The following INSC variants were observed in gnomAD, a reference collection of about 807,000 sequenced individuals.
INSC encodes INSC spindle orientation adaptor protein, also known as protein inscuteable homolog.
INSC carries 67 observed loss-of-function variants against 58.6 expected under a neutral mutation model. The ratio of observed to expected loss-of-function variants is 1.14; its 90% CI spans 0.94 to 1.40. The LOEUF (loss-of-function observed/expected upper bound fraction) is 1.40. Ranked by LOEUF, INSC falls within the 40% of genes most tolerant of loss-of-function variation. The pLI is 0.00. For missense variants in INSC, 714 were observed against 692.0 expected (o/e 1.03, Z -0.36); for synonymous variants, 262 against 276.1 (o/e 0.95, Z 0.51).
At chr11:15,167,842 C>T (rs906404100) in intron 2 of INSC, among the ~76,000 whole-genome samples, 4 of 152,058 alleles carry the variant, frequency 2.6e-5, no homozygotes, top group Non-Finnish European at 5.9e-5. Context: ...CTTGTCTGTC[C>T]TCATTTCTAG....
At chr11:15,116,855 C>CTTTCTTTCTTTCTT (rs1564853703) in intron 1 of INSC, among the ~76,000 whole-genome samples, 5 of 25,696 alleles carry the variant, frequency 1.9e-4, no homozygotes, top group Admixed American at 4.2e-4. Context: ...CTTTCTCTCT[C>CTTTCTTTCTTTCTT]TCTCTCTCTC....
intron 2 of INSC, among the ~76,000 whole-genome samples, chr11:15,149,438 T>C (rs904381979): frequency 6.6e-6 from 1 of 152,186 alleles, no homozygotes; most frequent in Non-Finnish European, 1.5e-5. Context: ...ATCAGGCATA[T>C]CCCAGTCCCT....
intron 9 of INSC, 126 bp from the exon 10 acceptor site, chr11:15,235,476 C>A (rs1226808800): frequency 5.2e-6 from 4 of 762,186 alleles, no homozygotes; most frequent in Non-Finnish European, 9.6e-6. Context: ...GAAGGATAGG[C>A]CCGGTGGACA....
chr11:15,241,129 T>C (rs1431063847), intron 12 of INSC, among the ~76,000 whole-genome samples: 1 of 152,132 alleles, frequency 6.6e-6, no homozygotes, highest in Non-Finnish European at 1.5e-5. Context: ...TAATCAATAG[T>C]ACCAGAGAGA....
At chr11:15,217,660 A>G (rs1278352310) in intron 7 of INSC, among the ~76,000 whole-genome samples, 1 of 152,200 alleles carries the variant, frequency 6.6e-6, no homozygotes, top group Non-Finnish European at 1.5e-5. Context: ...CAGCTGCATC[A>G]GAACGAAACG....
chr11:15,202,301 G>A (rs1850624082), intron 7 of INSC, among the ~76,000 whole-genome samples: 1 of 152,192 alleles, frequency 6.6e-6, no homozygotes, highest in African/African-American at 2.4e-5. Context: ...GCGAGGCTCT[G>A]AGGAGAGAAG....
downstream of INSC, chr11:15,247,278 T>G (rs1416037846): frequency 6.6e-6 from 1 of 152,216 alleles, no homozygotes; most frequent in Non-Finnish European, 1.5e-5. Flanking sequence ...ATTATCCAAT[T>G]TATTCCTCAC....
Position 15,246,249 on chromosome 11 carries a change from A to G in INSC, c.*209A>G. On this transcript the variant is annotated 3_prime_UTR_variant, in exon 13 of 13. Transcript: ENST00000379556. ...AATCTTCTTTGTGTTTTATTTTTTG[A>G]TTTCTGTAGCTTTTCAGTTGCAGAT... 2 of 435,080 alleles carry G rather than the reference A, an allele frequency of 4.6e-6. No homozygotes were observed. Among genetic ancestry groups the G allele is most frequent in the Non-Finnish European group, 8.0e-6 (2 of 250,690 alleles). The allele number at this position is 435,080 out of a possible 1,614,324, so 27.0% of individuals were successfully genotyped here. A position where few individuals can be genotyped will look rare whatever the true frequency, so the allele number is the denominator to read the frequency against.
intron 6 of INSC, among the ~76,000 whole-genome samples, chr11:15,200,153 T>TCACA (rs57120673): frequency 0.028 from 4,093 of 146,864 alleles, 107 homozygotes; most frequent in East Asian, 0.048. Context: ...AAGGGTTATA[T>TCACA]CACACACACA....
intron 5 of INSC, chr11:15,188,280 G>A: frequency 7.1e-6 from 7 of 985,492 alleles, no homozygotes; most frequent in Non-Finnish European, 8.4e-6. Flanking sequence ...GGCAAAACTT[G>A]CTAATGAGGC....
chr11:15,234,196 C>T (rs1367727756), intron 9 of INSC, among the ~76,000 whole-genome samples: 1 of 152,144 alleles, frequency 6.6e-6, no homozygotes, highest in African/African-American at 2.4e-5. Flanking sequence ...CTCTGGCAAC[C>T]CACTGTAGTC....
At chr11:15,114,189 G>A (rs1484255002), upstream of INSC, among the ~76,000 whole-genome samples, 1 of 142,050 alleles carries the variant, frequency 7.0e-6, no homozygotes, top group Non-Finnish European at 1.5e-5. Flanking sequence ...CCACATTCCC[G>A]AGCTTTTGGG....
In INSC at chr11:15,221,516, A is replaced by T; in HGVS notation, c.859A>T (p.Asn287Tyr). 6.2e-7 allele frequency: 1 copy of T among 1,613,648 alleles called. No individual in the cohort carries two copies. The highest frequency in any genetic ancestry group is 8.5e-7 in the Non-Finnish European group (1 of 1,179,780). Residue 287 changes from asparagine (N) to tyrosine (Y), a missense_variant, in exon 8 of 13, where the codon AAC becomes TAC. Asn to Tyr is a moderately radical substitution (Grantham distance 143). Coordinates refer to ENST00000379556, the MANE Select transcript of INSC (RefSeq NM_001042536.3). ...GTGCTTGGCCGACATCCTGACCGACAACAGCCACTCAGAGGCCACACGGGC... is the reference window on the plus strand; with the variant it reads ...GTGCTTGGCCGACATCCTGACCGACTACAGCCACTCAGAGGCCACACGGGC... ...VLCLADILTDNSHSEATRAEA... is the reference protein window; with the variant it reads ...VLCLADILTDYSHSEATRAEA...
chr11:15,235,750 T>G, intron 10 of INSC, 82 bp downstream of exon 10: 1 of 1,166,960 alleles, frequency 8.6e-7, no homozygotes, highest in Non-Finnish European at 1.3e-6. Flanking sequence ...TGAATGCCTG[T>G]GCAGGTATGT....
At chr11:15,144,846 C>T (rs566220835) in intron 1 of INSC, among the ~76,000 whole-genome samples, 8 of 152,344 alleles carry the variant, frequency 5.3e-5, no homozygotes, top group Non-Finnish European at 1.2e-4. Flanking sequence ...GCTGTCCAAA[C>T]GGAGCTGTTG....
chr11:15,139,958 C>T (rs1848330176), intron 1 of INSC, among the ~76,000 whole-genome samples: 1 of 152,198 alleles, frequency 6.6e-6, no homozygotes, highest in African/African-American at 2.4e-5. Context: ...GCTGGGAGCT[C>T]CTCTGATGAG....
At chr11:15,161,116 C>T (rs1109327) in intron 2 of INSC, among the ~76,000 whole-genome samples, 13 of 152,246 alleles carry the variant, frequency 8.5e-5, no homozygotes, top group African/African-American at 3.1e-4. Flanking sequence ...TGCCCTCAAA[C>T]CCTTCTACCA....
chr11:15,136,087 T>C (rs560100310), intron 1 of INSC, among the ~76,000 whole-genome samples: 1 of 152,280 alleles, frequency 6.6e-6, no homozygotes, highest in Admixed American at 6.5e-5. Flanking sequence ...TATTGCACAT[T>C]CAATCCCAGA....
chr11:15,200,196 G>A (rs1850528302), intron 6 of INSC, among the ~76,000 whole-genome samples: 1 of 147,420 alleles, frequency 6.8e-6, no homozygotes, highest in Admixed American at 6.7e-5. Context: ...CACACAAACA[G>A]GAGTAAACGA....
Sources: allele counts gnomAD v4.1 joint callset (sites outside exome capture counted in the v4.1 genomes callset), GRCh38; gene constraint gnomAD v4.1.1; transcripts MANE v1.5; gene names NCBI Gene and HGNC (gene_info 2026-07-23, HGNC 2026-07-21).